TTC17: variants seen among roughly 807,000 people sequenced by gnomAD.
The protein encoded by TTC17 is tetratricopeptide repeat domain 17.
A neutral mutation model predicts 143.8 loss-of-function variants in TTC17; 58 were observed. That is an observed-to-expected ratio of 0.40 (90% CI 0.33 to 0.50). The LOEUF is 0.50. Ranked by LOEUF, TTC17 falls within the 20% of genes least tolerant of loss-of-function variation. The pLI is 0.49. For synonymous variants in TTC17, 501 were observed against 497.8 expected, an observed-to-expected ratio of 1.01 and a Z score of -0.09; for missense variants, 1,273 against 1,392.5, an observed-to-expected ratio of 0.91 and a Z score of 1.37.
chr11:43,405,721 A>G, intron 12 of TTC17, 65 bp from the exon 13 acceptor site: 1 of 1,611,614 alleles, frequency 6.2e-7, no homozygotes, highest in East Asian at 2.2e-5. Flanking sequence ...TTGAAAAGTT[A>G]AGTCTTTATC....
intron 2 of TTC17, among the ~76,000 whole-genome samples, chr11:43,382,134 A>G (rs1359150672): frequency 1.3e-5 from 2 of 152,226 alleles, no homozygotes; most frequent in African/African-American, 4.8e-5. Flanking sequence ...AACAGAAGAC[A>G]GTGAAGGGTA....
chr11:43,418,320 T>G (rs1946823308), intron 16 of TTC17, among the ~76,000 whole-genome samples: 1 of 152,220 alleles, frequency 6.6e-6, no homozygotes, highest in African/African-American at 2.4e-5. Flanking sequence ...TATAGGTAGT[T>G]TTATATCACT....
chr11:43,404,755 A>G (rs1378768008), intron 11 of TTC17, among the ~76,000 whole-genome samples: 1 of 151,974 alleles, frequency 6.6e-6, no homozygotes, highest in Admixed American at 6.6e-5. Context: ...ATTATATTTA[A>G]TATAAATCCC....
In TTC17 at chr11:43,446,218, G is replaced by A; in HGVS notation, c.2666-1784G>A. 5.6e-6 allele frequency: 7 copies of A among 1,258,798 alleles called. No individual in the cohort carries two copies. The South Asian group carries it at 2.2e-4, about 40-fold the overall frequency. The allele number at this position is 1,258,798 out of a possible 1,614,324, so 78.0% of individuals were successfully genotyped here. A position where few individuals can be genotyped will look rare whatever the true frequency, so the allele number is the denominator to read the frequency against. ...CTATTCCCTCTGCCTGGAATGCCCT[G>A]TGCCCCCTCTGCCCTCTGCCGTGCT... On this transcript the variant is annotated intron_variant, in intron 18 of 23. Coordinates refer to ENST00000039989, the MANE Select transcript of TTC17 (RefSeq NM_018259.6).
At position 43,472,996 on chromosome 11, in the gene TTC17, G is replaced by A. The variant is rs1368788383; in HGVS notation, c.3031-17243G>A. ...TCGAGACCAGCCTGGCCAACATGAT[G>A]AAACCCCATCTCTACTAAAAATACA... On this transcript the variant is annotated intron_variant, in intron 21 of 23. Transcript: ENST00000039989. Among the ~76,000 whole-genome samples the A allele has an allele frequency of 3.9e-5, 6 of 151,940 alleles. No individual in the cohort carries two copies. The South Asian group carries it at 1.0e-3, about 26-fold the overall frequency.
intron 11 of TTC17, 114 bp downstream of exon 11, chr11:43,404,258 G>A (rs1336729634): frequency 3.1e-6 from 3 of 979,408 alleles, no homozygotes; most frequent in African/African-American, 1.7e-5. Context: ...GATTAGTTCA[G>A]CAAACGTGTA....
At chr11:43,395,589 TAGA>T (rs1351685756) in intron 5 of TTC17, 1 of 152,226 alleles carries the variant, frequency 6.6e-6, no homozygotes, top group Non-Finnish European at 1.5e-5. Context: ...CAGCTTCAAG[TAGA>T]AGTTCATAGT....
chr11:43,373,204 T>C (rs548373580), intron 1 of TTC17, among the ~76,000 whole-genome samples: 2 of 152,284 alleles, frequency 1.3e-5, no homozygotes, highest in Non-Finnish European at 2.9e-5. Context: ...TTCTTAGTAT[T>C]AAGTAGCTTA....
intron 21 of TTC17, among the ~76,000 whole-genome samples, chr11:43,482,402 A>G (rs929133485): frequency 6.6e-6 from 1 of 151,886 alleles, no homozygotes; most frequent in Non-Finnish European, 1.5e-5. Flanking sequence ...CATTCAATTC[A>G]AAGTACTTTA....
chr11:43,359,561 A>G (rs947166219), intron 1 of TTC17, among the ~76,000 whole-genome samples: 1 of 152,128 alleles, frequency 6.6e-6, no homozygotes, highest in Non-Finnish European at 1.5e-5. Flanking sequence ...CTGGACCCCT[A>G]GCCTGTGGAC....
At chr11:43,367,864 C>T (rs1429389359) in intron 1 of TTC17, among the ~76,000 whole-genome samples, 2 of 152,034 alleles carry the variant, frequency 1.3e-5, no homozygotes, top group African/African-American at 4.8e-5. Context: ...GTCAAGATAC[C>T]CAGAGCCTAT....
chr11:43,434,408 G>A (rs557301145), intron 16 of TTC17, among the ~76,000 whole-genome samples: 1 of 152,244 alleles, frequency 6.6e-6, no homozygotes, highest in East Asian at 1.9e-4. Flanking sequence ...CCTACTGATC[G>A]GCGGGGGGAA....
chr11:43,391,509 C>A lies in TTC17; in HGVS notation c.464C>A (p.Pro155Gln). The A allele has an allele frequency of 1.9e-6, 3 of 1,608,408 alleles. No homozygotes were observed. The highest frequency in any genetic ancestry group is 2.5e-6 in the Non-Finnish European group (3 of 1,178,416). ...IDTESPVPPDPEQPDCTKILE... is the reference protein window; with the variant it reads ...IDTESPVPPDQEQPDCTKILE... ...ACAGAATCTCCTGTCCCTCCAGACCCAGAGCAACCTGATTGTACTAAAATT... is the reference window on the plus strand; with the variant it reads ...ACAGAATCTCCTGTCCCTCCAGACCAAGAGCAACCTGATTGTACTAAAATT... The change falls in exon 4 of 24, where the codon CCA becomes CAA. Residue 155 changes from proline to glutamine, a missense_variant. Around this residue, in one of 3 missense-constraint regions of TTC17, gnomAD observed 325 missense variants for 444.2 expected, o/e 0.73. Transcript: ENST00000039989.
intron 23 of TTC17, among the ~76,000 whole-genome samples, chr11:43,492,703 C>A (rs1948495390): frequency 6.6e-6 from 1 of 152,194 alleles, no homozygotes; most frequent in Non-Finnish European, 1.5e-5. Flanking sequence ...TAGGTGCTCA[C>A]CAAGTAGTTA....
intron 1 of TTC17, among the ~76,000 whole-genome samples, chr11:43,364,789 C>T (rs910780111): frequency 1.2e-4 from 18 of 152,050 alleles, no homozygotes; most frequent in Admixed American, 1.0e-3. Context: ...CCCACTTTTT[C>T]AATTTTTTAA....
chr11:43,403,852 A>C, intron 10 of TTC17, 146 bp from the exon 11 acceptor site: 1 of 585,950 alleles, frequency 1.7e-6, no homozygotes, highest in Non-Finnish European at 2.9e-6. Context: ...CATAGTTCTT[A>C]AAAGATCCAA....
intron 1 of TTC17, among the ~76,000 whole-genome samples, chr11:43,374,018 T>C (rs17508542): frequency 0.036 from 5,523 of 152,316 alleles, 361 homozygotes; most frequent in Admixed American, 0.18. Flanking sequence ...GATAATGCTT[T>C]AGCAGATGGA....
intron 16 of TTC17, among the ~76,000 whole-genome samples, chr11:43,436,828 C>T (rs1947304220): frequency 6.6e-6 from 1 of 152,194 alleles, no homozygotes; most frequent in Non-Finnish European, 1.5e-5. Context: ...CCATGCATAA[C>T]TCATCCCCAC....
chr11:43,450,549 A>G (rs1156999802), intron 20 of TTC17, among the ~76,000 whole-genome samples: 1 of 152,182 alleles, frequency 6.6e-6, no homozygotes, highest in Admixed American at 6.5e-5. Flanking sequence ...TCTCCTGTTG[A>G]CATTTTTAAG....
Sources: gnomAD v4.1 joint callset for allele counts (sites outside exome capture counted in the v4.1 genomes callset) on GRCh38, gnomAD v4.1.1 for gene constraint, gnomAD v4.1.1 regional missense constraint, MANE v1.5 for transcripts, NCBI Gene and HGNC (gene_info 2026-07-23, HGNC 2026-07-21) for gene names.